The following CMSS1 variants were observed in gnomAD, a reference collection of about 807,000 sequenced individuals.
CMSS1 encodes the protein cms1 ribosomal small subunit homolog, also known as protein CMSS1.
CMSS1 carries 33 observed loss-of-function variants against 43.5 expected under a neutral mutation model. The ratio of observed to expected loss-of-function variants is 0.76; its 90% confidence interval spans 0.57 to 1.01. CMSS1 has a LOEUF of 1.01. CMSS1 is among the 50% of genes least tolerant of loss of function. The pLI is 0.00. For synonymous variants in CMSS1, 115 were observed against 117.2 expected (o/e 0.98, Z 0.12); for missense variants, 313 against 326.4 (o/e 0.96, Z 0.32).
chr3:99,908,510 A>T (rs1706692519), intron 1 of CMSS1, among the ~76,000 whole-genome samples: 1 of 152,202 alleles, frequency 6.6e-6, no homozygotes, highest in African/African-American at 2.4e-5. Flanking sequence ...AATAATGATG[A>T]TCACTTAGGT....
At position 99,999,997 on chromosome 3, in the gene CMSS1, GAAAAGA is replaced by G. The variant is rs561526093; in HGVS notation, c.65-146973_65-146968del. On this transcript the variant is annotated intron_variant, in intron 1 of 9. Coordinates refer to ENST00000421999, the MANE Select transcript of CMSS1 (RefSeq NM_032359.4). ...CTCAGCCCTGGCTTAAAAACAAAAA[GAAAAGA>G]AATACCAGACTCCACCTCCAGAGTC... Among the ~76,000 whole-genome samples the G allele has an allele frequency of 1.7e-3, 253 of 152,224 alleles. No homozygotes were observed. In the Middle Eastern group the frequency reaches 0.027, roughly 16 times the overall value.
At chr3:99,973,783 A>T (rs1708890929) in intron 1 of CMSS1, among the ~76,000 whole-genome samples, 1 of 152,208 alleles carries the variant, frequency 6.6e-6, no homozygotes, top group African/African-American at 2.4e-5. Flanking sequence ...AGAGATTGGG[A>T]TGCAGGTATC....
At chr3:99,906,882 C>T (rs779298283) in intron 1 of CMSS1, among the ~76,000 whole-genome samples, 4 of 152,074 alleles carry the variant, frequency 2.6e-5, no homozygotes, top group Admixed American at 6.6e-5. Context: ...CCTACCATGC[C>T]CTATAACAGA....
chr3:100,107,751 G>T (rs1576070814), intron 1 of CMSS1, among the ~76,000 whole-genome samples: 2 of 151,776 alleles, frequency 1.3e-5, no homozygotes, highest in East Asian at 3.9e-4. Context: ...GAATAATTTT[G>T]CACTTTTAGA....
chr3:99,856,998 A>T (rs746014474), intron 1 of CMSS1, among the ~76,000 whole-genome samples: 4 of 152,146 alleles, frequency 2.6e-5, no homozygotes, highest in Non-Finnish European at 5.9e-5. Flanking sequence ...TAAAATACAG[A>T]CTTCTTGAGA....
chr3:99,894,747 A>G (rs1706194698), intron 1 of CMSS1, among the ~76,000 whole-genome samples: 1 of 152,232 alleles, frequency 6.6e-6, no homozygotes, highest in East Asian at 1.9e-4. Context: ...AATAAAGCTG[A>G]AAACTCCATT....
intron 1 of CMSS1, chr3:99,849,950 C>T (rs1334281601): frequency 1.2e-6 from 2 of 1,612,816 alleles, no homozygotes; most frequent in African/African-American, 2.7e-5. Context: ...TTTCCTTTCT[C>T]TTCTTCCGCT....
Position 100,147,016 on chromosome 3 carries a change from G to T in CMSS1, c.108G>T (p.Gln36His), listed in dbSNP as rs1177931029. ...GAGAAGGAGACACAGAAGTGATGCAGCAGGAGACAGTTCCAGTTCCTGTAC... is the reference window on the plus strand; with the variant it reads ...GAGAAGGAGACACAGAAGTGATGCATCAGGAGACAGTTCCAGTTCCTGTAC... ...GEGEGDTEVM[Q>H]QETVPVPVPS... is the part of the protein sequence containing the mutation. Residue 36 changes from glutamine (Q) to histidine (H), a missense_variant, in exon 2 of 10, where the codon CAG (glutamine) becomes CAT (histidine). Physicochemically the swap from Gln to His is conservative, Grantham distance 24. Coordinates refer to ENST00000421999, the MANE Select transcript of CMSS1 (RefSeq NM_032359.4). The T allele has an allele frequency of 4.3e-6, 7 of 1,613,888 alleles. No homozygotes were observed. The East Asian group carries it at 1.6e-4, about 36-fold the overall frequency.
chr3:99,870,803 G>A (rs915187824), intron 1 of CMSS1, among the ~76,000 whole-genome samples: 7 of 152,186 alleles, frequency 4.6e-5, no homozygotes, highest in Non-Finnish European at 8.8e-5. Flanking sequence ...GTACATGCTT[G>A]GGAAAAGGCA....
At position 99,817,958 on chromosome 3, in the gene CMSS1, C is replaced by T. The variant is rs979953308; in HGVS notation, c.-22C>T. 1 of 1,613,562 alleles carries T rather than the reference C, an allele frequency of 6.2e-7. No homozygotes were observed. The highest frequency in any genetic ancestry group is 8.5e-7 in the Non-Finnish European group (1 of 1,179,622). On this transcript the variant is annotated 5_prime_UTR_variant, in exon 1 of 10. Transcript: ENST00000421999. ...TGGTCGCCTACCCGTGATGTTCTGC[C>T]CACGTCGAGACCTGAGCTGAAATGG...
intron 1 of CMSS1, among the ~76,000 whole-genome samples, chr3:99,956,295 T>A (rs191414565): frequency 6.6e-6 from 1 of 152,188 alleles, no homozygotes; most frequent in Non-Finnish European, 1.5e-5. Flanking sequence ...ACACATGTTC[T>A]CCTTTTCCTG....
intron 1 of CMSS1, among the ~76,000 whole-genome samples, chr3:99,970,416 A>G (rs1199776360): frequency 6.6e-6 from 1 of 152,232 alleles, no homozygotes; most frequent in Non-Finnish European, 1.5e-5. Flanking sequence ...TGTAAAGGAA[A>G]TGAATGTGGT....
chr3:100,086,746 G>A (rs2066016048), intron 1 of CMSS1, among the ~76,000 whole-genome samples: 1 of 152,076 alleles, frequency 6.6e-6, no homozygotes, highest in Admixed American at 6.6e-5. Context: ...TCACTTTTGT[G>A]TCTAGGACAG....
chr3:99,990,791 AT>A lies in CMSS1; in HGVS notation c.65-156181del, dbSNP rs1178760043. 2.0e-5 allele frequency among the ~76,000 whole-genome samples: 3 copies of A among 152,314 alleles called. No individual in the cohort carries two copies. The East Asian group carries it at 5.8e-4, about 29-fold the overall frequency. On this transcript the variant is annotated intron_variant, in intron 1 of 9. Transcript: ENST00000421999. ...TTACCTATATTTGTAATAAAAAAAA[AT>A]ACCTTTCTGGAATTCCATAAAGAAG...
intron 1 of CMSS1, among the ~76,000 whole-genome samples, chr3:99,867,713 A>G (rs1576530530): frequency 6.6e-6 from 1 of 152,114 alleles, no homozygotes; most frequent in Non-Finnish European, 1.5e-5. Flanking sequence ...ACTCCCAACA[A>G]TCTTTAGAGT....
intron 1 of CMSS1, among the ~76,000 whole-genome samples, chr3:100,057,085 G>A (rs2065478219): frequency 6.6e-6 from 1 of 152,174 alleles, no homozygotes; most frequent in Non-Finnish European, 1.5e-5. Context: ...GCAGGCTCAG[G>A]GCAGGAGATT....
intron 3 of CMSS1, among the ~76,000 whole-genome samples, chr3:100,160,967 A>G (rs2067018424): frequency 6.6e-6 from 1 of 152,206 alleles, no homozygotes; most frequent in Admixed American, 6.5e-5. Flanking sequence ...CTAATTTGGA[A>G]CCATAAATTA....
intron 1 of CMSS1, among the ~76,000 whole-genome samples, chr3:99,995,574 A>G (rs965415040): frequency 5.9e-5 from 9 of 152,138 alleles, no homozygotes; most frequent in Non-Finnish European, 7.4e-5. Flanking sequence ...TTCAGAGCAC[A>G]TTTGCCTTCC....
chr3:99,857,705 C>T (rs962496982), intron 1 of CMSS1, among the ~76,000 whole-genome samples: 76 of 152,230 alleles, frequency 5.0e-4, no homozygotes, highest in Admixed American at 2.1e-3. Context: ...ACGAATTCCA[C>T]AAGCCATTAA....
Sources: gnomAD v4.1 joint callset for allele counts (sites outside exome capture counted in the v4.1 genomes callset) on GRCh38, gnomAD v4.1.1 for gene constraint, MANE v1.5 for transcripts, NCBI Gene and HGNC (gene_info 2026-07-23, HGNC 2026-07-21) for gene names.